The following SLC14A2 variants were observed in gnomAD, a reference collection of about 807,000 sequenced individuals.
SLC14A2 encodes urea transporter 2.
SLC14A2 carries 91 observed loss-of-function variants against 104.6 expected under a neutral mutation model. The ratio of observed to expected loss-of-function variants is 0.87; its 90% confidence interval spans 0.73 to 1.04. The LOEUF (loss-of-function observed/expected upper bound fraction) is 1.04, where lower values mean the gene tolerates loss of function less well. Among genes scored for constraint, SLC14A2 ranks in the 50% least tolerant of loss-of-function variants. The pLI, the probability that SLC14A2 is intolerant of heterozygous loss-of-function variation, is 0.00. For missense variants in SLC14A2, 1,189 were observed against 1,156.0 expected (o/e 1.03, Z -0.41); for synonymous variants, 476 against 466.4 (o/e 1.02, Z -0.27).
chr18:45,569,895 C>CCCCTTCAT lies in SLC14A2; in HGVS notation c.-34-54735_-34-54728dup, dbSNP rs1599016360. Among the ~76,000 whole-genome samples, 11 of 152,244 alleles carry CCCCTTCAT rather than the reference C, an allele frequency of 7.2e-5. 1 individual carries two copies. In the East Asian group the frequency reaches 2.1e-3, roughly 29 times the overall value. ...TTCAGGCTTCAGTTTGCAGCCTACC[C>CCCCTTCAT]CCCTTCATTCTTAATCAAGAGAGTT... On this transcript the variant is annotated intron_variant, in intron 2 of 20. Coordinates refer to the SLC14A2 transcript ENST00000586448.
chr18:45,578,472 G>A (rs1024070186), intron 2 of SLC14A2, among the ~76,000 whole-genome samples: 1 of 152,196 alleles, frequency 6.6e-6, no homozygotes, highest in African/African-American at 2.4e-5. Context: ...TATAAATGTA[G>A]TGTTGTCGAA....
the SLC14A2 span, among the ~76,000 whole-genome samples, chr18:45,175,321 T>G: frequency 6.6e-6 from 1 of 152,036 alleles, no homozygotes; most frequent in East Asian, 1.9e-4. Flanking sequence ...GTATACTAAT[T>G]TAAAAAGCTC....
At chr18:45,344,203 T>G (rs138679374) in intron 1 of SLC14A2, among the ~76,000 whole-genome samples, 1 of 152,196 alleles carries the variant, frequency 6.6e-6, no homozygotes, top group Non-Finnish European at 1.5e-5. Flanking sequence ...CACTGATCTA[T>G]TCATTGGGGG....
chr18:45,315,070 G>C (rs2085115614), intron 1 of SLC14A2, among the ~76,000 whole-genome samples: 1 of 152,186 alleles, frequency 6.6e-6, no homozygotes, highest in Admixed American at 6.5e-5. Flanking sequence ...CCAGGTAAGA[G>C]ATGACCCCAG....
At chr18:45,293,190 C>T (rs561886478) in intron 1 of SLC14A2, among the ~76,000 whole-genome samples, 23 of 152,140 alleles carry the variant, frequency 1.5e-4, no homozygotes, top group African/African-American at 4.1e-4. Context: ...CCTTTTTTGA[C>T]GTGCAAAACA....
At chr18:45,535,679 C>G (rs1362706734) in intron 2 of SLC14A2, among the ~76,000 whole-genome samples, 1 of 152,150 alleles carries the variant, frequency 6.6e-6, no homozygotes, top group South Asian at 2.1e-4. Flanking sequence ...GCCTGATGTT[C>G]GCACTCTTGC....
intron 1 of SLC14A2, among the ~76,000 whole-genome samples, chr18:45,304,095 C>T (rs1216419028): frequency 6.6e-6 from 1 of 152,174 alleles, no homozygotes; most frequent in Non-Finnish European, 1.5e-5. Context: ...GTTTTCTAAC[C>T]TATGGGCCAC....
intron 10 of SLC14A2, among the ~76,000 whole-genome samples, chr18:45,655,748 T>C (rs1391908825): frequency 6.6e-6 from 1 of 152,238 alleles, no homozygotes; most frequent in Non-Finnish European, 1.5e-5. Flanking sequence ...TCAGGGGGTA[T>C]TGCGATTGGG....
chr18:45,250,879 A>G (rs1261704419), intron 1 of SLC14A2, among the ~76,000 whole-genome samples: 1 of 151,382 alleles, frequency 6.6e-6, no homozygotes, highest in Non-Finnish European at 1.5e-5. Flanking sequence ...TGAAGATGAG[A>G]TGCCTGAGGC....
chr18:45,648,274 G>GGGCTC (rs1305504203), intron 10 of SLC14A2, among the ~76,000 whole-genome samples: 1 of 143,446 alleles, frequency 7.0e-6, no homozygotes, highest in Non-Finnish European at 1.5e-5. Flanking sequence ...GGCACCATCT[G>GGGCTC]GGCTCACTGC....
intron 1 of SLC14A2, among the ~76,000 whole-genome samples, chr18:45,366,395 C>T (rs1169387198): frequency 2.0e-5 from 3 of 152,174 alleles, no homozygotes; most frequent in Non-Finnish European, 4.4e-5. Context: ...GTGGGGAAGG[C>T]ATGTGACAAT....
intron 2 of SLC14A2, among the ~76,000 whole-genome samples, chr18:45,582,213 G>T (rs1361364702): frequency 6.6e-6 from 1 of 152,178 alleles, no homozygotes; most frequent in Admixed American, 6.5e-5. Context: ...TGGGCACATG[G>T]TCTAGGTAGA....
intron 1 of SLC14A2, among the ~76,000 whole-genome samples, chr18:45,279,800 G>A (rs1295229276): frequency 2.6e-5 from 4 of 152,118 alleles, no homozygotes; most frequent in African/African-American, 7.2e-5. Flanking sequence ...AACACAAAGC[G>A]ACCCATGAGA....
chr18:45,587,451 C>T (rs1445536749), intron 2 of SLC14A2, among the ~76,000 whole-genome samples: 1 of 152,108 alleles, frequency 6.6e-6, no homozygotes, highest in Non-Finnish European at 1.5e-5. Flanking sequence ...TTTGGCCCTT[C>T]GATTATGTCC....
chr18:45,229,711 A>G (rs1056216112), intron 1 of SLC14A2, among the ~76,000 whole-genome samples: 1 of 152,174 alleles, frequency 6.6e-6, no homozygotes, highest in African/African-American at 2.4e-5. Context: ...TTCCTATGAC[A>G]TAGTTCATGT....
chr18:45,170,592 G>C, the SLC14A2 span, among the ~76,000 whole-genome samples: 2 of 152,152 alleles, frequency 1.3e-5, no homozygotes, highest in South Asian at 2.1e-4. Flanking sequence ...GTGTAGCTAG[G>C]ACAAAATTGT....
intron 1 of SLC14A2, among the ~76,000 whole-genome samples, chr18:45,438,746 C>G (rs1175569509): frequency 2.0e-5 from 3 of 152,098 alleles, no homozygotes; most frequent in Non-Finnish European, 4.4e-5. Context: ...TTATCTATAT[C>G]TATGATAGGA....
At chr18:45,207,197 T>A in the SLC14A2 span, among the ~76,000 whole-genome samples, 100 of 152,188 alleles carry the variant, frequency 6.6e-4, no homozygotes, top group African/African-American at 2.0e-3. Context: ...TATCACACTT[T>A]AGTCAAAAAT....
intron 1 of SLC14A2, among the ~76,000 whole-genome samples, chr18:45,445,101 A>G (rs897741252): frequency 7.1e-6 from 1 of 141,642 alleles, no homozygotes; most frequent in East Asian, 2.1e-4. Context: ...TGGCAAATTG[A>G]CATGCTTTTT....
Sources: gnomAD v4.1 joint callset for allele counts (sites outside exome capture counted in the v4.1 genomes callset) on GRCh38, gnomAD v4.1.1 for gene constraint, MANE v1.5 for transcripts, NCBI Gene and HGNC (gene_info 2026-07-23, HGNC 2026-07-21) for gene names.